The following TCF3 variants were observed in gnomAD, a reference collection of about 807,000 sequenced individuals.
TCF3 encodes the protein transcription factor 3.
Under a neutral mutation model 72.3 loss-of-function variants are expected in TCF3, and 54 were observed. That is an observed-to-expected ratio of 0.75 (90% CI 0.60 to 0.94). The LOEUF (loss-of-function observed/expected upper bound fraction) is 0.94, where lower values mean the gene tolerates loss of function less well. Among genes scored for constraint, TCF3 ranks in the 40% least tolerant of loss-of-function variants. TCF3 has a pLI of 0.00. For missense variants in TCF3, 1,078 were observed against 934.4 expected, an observed-to-expected ratio of 1.15 and a Z score of -2.00; for synonymous variants, 525 against 412.6, an observed-to-expected ratio of 1.27 and a Z score of -3.30.
chr19:1,646,765 G>A (rs939314024), intron 2 of TCF3, among the ~76,000 whole-genome samples: 6 of 152,208 alleles, frequency 3.9e-5, no homozygotes, highest in African/African-American at 1.2e-4. Context: ...TTAGGCGAAG[G>A]ATACAACTTA....
At chr19:1,646,541 G>A in intron 2 of TCF3, 114 bp from the exon 3 acceptor site, 8 of 927,886 alleles carry the variant, frequency 8.6e-6, no homozygotes, top group Non-Finnish European at 1.6e-6. Flanking sequence ...ACCTGAGACT[G>A]CGCTCCATCT....
Position 1,621,851 on chromosome 19 carries a change from G to A in TCF3, c.942C>T (p.Ala314=), listed in dbSNP as rs764487733. The change falls in exon 11 of 19, where the codon GCC becomes GCT. Residue 314 remains alanine (A), a synonymous_variant. Transcript: ENST00000262965. ...GAGGGGCCATACCCAGGAGGCTGTC[G>A]GCCCCGCTGACAGGCGGCGTGTGGC... is the stretch of plus-strand genomic sequence containing the variant. The part of the protein sequence containing the change: ...VSSHTPPVSG[A]DSLLGSRGTT... 41 of 1,590,398 alleles carry A rather than the reference G, an allele frequency of 2.6e-5. No individual in the cohort carries two copies. The highest frequency in any genetic ancestry group is 3.2e-5 in the Non-Finnish European group (37 of 1,170,022).
intron 16 of TCF3, among the ~76,000 whole-genome samples, chr19:1,618,767 G>A (rs1055007557): frequency 3.3e-5 from 5 of 152,150 alleles, no homozygotes; most frequent in Non-Finnish European, 5.9e-5. Context: ...CTTCTCCCTG[G>A]CACCTGTACT....
At chr19:1,645,343 C>A (rs115581573) in intron 3 of TCF3, among the ~76,000 whole-genome samples, 4,236 of 152,180 alleles carry the variant, frequency 0.028, 205 homozygotes, top group African/African-American at 0.097. Context: ...TCGGGGGCAC[C>A]CGCCCCAACC....
chr19:1,613,470 G>A (rs1194060103), intron 18 of TCF3, among the ~76,000 whole-genome samples: 1 of 152,180 alleles, frequency 6.6e-6, no homozygotes, highest in Non-Finnish European at 1.5e-5. Flanking sequence ...GCTGGGGGCA[G>A]GGGAGGCCCA....
intron 3 of TCF3, among the ~76,000 whole-genome samples, chr19:1,639,353 A>T (rs28635356): frequency 0.01 from 1,535 of 152,168 alleles, 31 homozygotes; most frequent in African/African-American, 0.035. Flanking sequence ...CAAGGAACGG[A>T]TTTTTTTGTT....
At chr19:1,652,176 A>C (rs1219917562) in intron 1 of TCF3, 124 bp downstream of exon 1, 7 of 135,204 alleles carry the variant, frequency 5.2e-5, no homozygotes, top group African/African-American at 8.3e-5. Context: ...GCGCCCCCCG[A>C]CACCGCCCCC....
chr19:1,646,666 C>G lies in TCF3; in HGVS notation c.73-239G>C, dbSNP rs10402765. The stretch of plus-strand genomic sequence containing the variant: ...ACGCCCAGAGTGAGAAAACTCCAGA[C>G]GATGACCCCGCTGTACCGCCAGGCA... On this transcript the variant is annotated intron_variant, in intron 2 of 18. Transcript: ENST00000262965. Among the ~76,000 whole-genome samples the G allele has an allele frequency of 3.6e-3, 544 of 152,272 alleles. 3 individuals carry two copies. Among genetic ancestry groups the G allele is most frequent in the African/African-American group, 0.012 (509 of 41,550 alleles).
chr19:1,631,842 G>GCCGTGCCAGGGAGT, intron 5 of TCF3, 196 bp downstream of exon 5: 1 of 1,406,214 alleles, frequency 7.1e-7, no homozygotes, highest in Non-Finnish European at 9.6e-7. Flanking sequence ...GTTGCAGAGT[G>GCCGTGCCAGGGAGT]CCGTGCCAGG....
At chr19:1,617,039 G>A (rs778291683) in intron 16 of TCF3, among the ~76,000 whole-genome samples, 7 of 152,202 alleles carry the variant, frequency 4.6e-5, no homozygotes, top group African/African-American at 7.2e-5. Context: ...GTGGAAGTCC[G>A]CTTCAGCACA....
In TCF3 at chr19:1,614,793, A is replaced by C. The variant is rs2061387632; in HGVS notation, c.1822+492T>G. On this transcript the variant is annotated intron_variant, in intron 18 of 18. Coordinates refer to ENST00000262965, the MANE Select transcript of TCF3 (RefSeq NM_003200.5). The surrounding 1 kb of genome is among the most constrained non-coding windows in gnomAD (Gnocchi z 5.6). ...GGGGGTGATAGGAAGTTTCCCTATCACCTTCAGATAGGGAAACTGAGTCAG... is the reference window on the plus strand; with the variant it reads ...GGGGGTGATAGGAAGTTTCCCTATCCCCTTCAGATAGGGAAACTGAGTCAG... Among the ~76,000 whole-genome samples the C allele has an allele frequency of 6.6e-6, 1 of 151,648 alleles. No individual in the cohort carries two copies. Among genetic ancestry groups the C allele is most frequent in the Non-Finnish European group, 1.5e-5 (1 of 67,896 alleles).
intron 5 of TCF3, 38 bp from the exon 6 acceptor site, chr19:1,627,464 C>T: frequency 6.2e-7 from 1 of 1,601,080 alleles, no homozygotes; most frequent in Non-Finnish European, 8.5e-7. Flanking sequence ...GAGGCGACCC[C>T]AAGGAACATC....
intron 5 of TCF3, among the ~76,000 whole-genome samples, chr19:1,627,661 C>T (rs1353931958): frequency 6.6e-6 from 1 of 152,192 alleles, no homozygotes; most frequent in Non-Finnish European, 1.5e-5. Flanking sequence ...TGCCCAATGA[C>T]AGGCTTGGGG....
At chr19:1,621,816 G>C in intron 11 of TCF3, 22 bp downstream of exon 11, 1 of 1,568,820 alleles carries the variant, frequency 6.4e-7, no homozygotes, top group Non-Finnish European at 8.6e-7. Flanking sequence ...CGGAGAGGCC[G>C]CATCCCAGGG....
At chr19:1,644,369 G>A (rs1177748881) in intron 3 of TCF3, among the ~76,000 whole-genome samples, 1 of 141,078 alleles carries the variant, frequency 7.1e-6, no homozygotes, top group Admixed American at 6.7e-5. Context: ...GGCTCAGGCG[G>A]GCGTTAACTG....
In TCF3 at chr19:1,611,814, G is replaced by A. The variant is rs367895437; in HGVS notation, c.1858C>T (p.Arg620Trp). Residue 620 changes from arginine (R) to tryptophan (W), a missense_variant, in exon 19 of 19, where the codon CGG (arginine) becomes TGG (tryptophan). By Grantham distance (101) the Arg-to-Trp change is moderately radical. Transcript: ENST00000262965. ...NLNPKAACLK[R>W]REEEKVSGVV... ...CCTGACACCTTTTCCTCTTCTCGCC[G>A]TTTCAAACAGGCTGCTTTGGGATTC... 9.3e-6 allele frequency: 15 copies of A among 1,613,392 alleles called. No individual in the cohort carries two copies. The highest frequency in any genetic ancestry group is 5.0e-5 in the Admixed American group (3 of 59,944).
intron 3 of TCF3, among the ~76,000 whole-genome samples, chr19:1,635,451 T>C (rs1168237263): frequency 6.6e-6 from 1 of 152,032 alleles, no homozygotes; most frequent in African/African-American, 2.4e-5. Context: ...GACCAAACTC[T>C]TTCCTGATCT....
chr19:1,651,069 A>C (rs998039750), intron 1 of TCF3: 2 of 232,296 alleles, frequency 8.6e-6, no homozygotes, highest in African/African-American at 2.2e-5. Context: ...ATGAGCGGGG[A>C]GAGCGTCTCA....
At chr19:1,631,908 G>A in intron 5 of TCF3, 130 bp downstream of exon 5, 1 of 1,536,336 alleles carries the variant, frequency 6.5e-7, no homozygotes, top group East Asian at 2.5e-5. Flanking sequence ...ACGGGCAGAG[G>A]CTTCGGCTGT....
Sources: gnomAD v4.1 joint callset for allele counts (sites outside exome capture counted in the v4.1 genomes callset) on GRCh38, gnomAD v4.1.1 for gene constraint, Gnocchi (gnomAD v3.1) non-coding constraint, MANE v1.5 for transcripts, NCBI Gene and HGNC (gene_info 2026-07-23, HGNC 2026-07-21) for gene names.